Variants in OSBPL5 observed in about 807,000 individuals in gnomAD.
OSBPL5 encodes the protein oxysterol-binding protein-related protein 5.
Under a neutral mutation model 111.2 loss-of-function variants are expected in OSBPL5, and 71 were observed. The observed-to-expected ratio is 0.64, with a 90% CI of 0.53 to 0.78. OSBPL5 has a LOEUF of 0.78. Among genes scored for constraint, OSBPL5 ranks in the 30% least tolerant of loss-of-function variants. OSBPL5 has a pLI of 0.00. For missense variants in OSBPL5, 1,210 were observed against 1,189.3 expected (o/e 1.02, Z -0.26); for synonymous variants, 549 against 513.9 (o/e 1.07, Z -0.93).
Position 3,126,523 on chromosome 11 carries a change from G to A in OSBPL5, c.169C>T (p.Pro57Ser). 1 of 1,609,754 alleles carries A rather than the reference G, an allele frequency of 6.2e-7. No homozygotes were observed. Among genetic ancestry groups the A allele is most frequent in the Non-Finnish European group, 8.5e-7 (1 of 1,178,746 alleles). ...KDMEPNGPSL[P>S]RDEGPPTPSS... ...GGGGTCGGGGGCCCTTCATCCCTGG[G>A]CAGCGACGGGCCGTTGGGCTCCATG... The change falls in exon 3 of 22, where the codon CCC (proline) becomes TCC (serine). Residue 57 changes from proline to serine, a missense_variant. Coordinates refer to ENST00000263650, the MANE Select transcript of OSBPL5 (RefSeq NM_020896.4). The surrounding 1 kb of genome is among the most constrained non-coding windows in gnomAD (Gnocchi z 6.5).
chr11:3,100,208 A>G lies in OSBPL5; in HGVS notation c.1571T>C (p.Leu524Pro), dbSNP rs774179612. The G allele has an allele frequency of 1.2e-6, 2 of 1,613,982 alleles. No individual in the cohort carries two copies. The highest frequency in any genetic ancestry group is 1.3e-5 in the African/African-American group (1 of 74,900). Residue 524 changes from leucine (L) to proline (P), a missense_variant, in exon 14 of 22, where the codon CTG becomes CCG. Physicochemically the swap from Leu to Pro is moderately conservative, Grantham distance 98. Transcript: ENST00000263650. ...LLDGKATLTFLNRAEDYTLTM... is the reference protein window; with the variant it reads ...LLDGKATLTFPNRAEDYTLTM... Reference sequence around the variant, plus strand: ...AAGGGTGTAATCCTCGGCTCGGTTCAGGAAGGTGAGCGTGGCTTTGCCGTC... The same window carrying G: ...AAGGGTGTAATCCTCGGCTCGGTTCGGGAAGGTGAGCGTGGCTTTGCCGTC...
intron 1 of OSBPL5, among the ~76,000 whole-genome samples, chr11:3,153,984 G>A (rs896833327): frequency 7.3e-4 from 111 of 152,340 alleles, no homozygotes; most frequent in African/African-American, 2.5e-3. Flanking sequence ...CCCCAACAGC[G>A]CCGTCAGCCC....
chr11:3,101,718 C>A lies in OSBPL5; in HGVS notation c.1426-19G>T. 1 of 1,601,104 alleles carries A rather than the reference C, an allele frequency of 6.2e-7. No individual in the cohort carries two copies. Among genetic ancestry groups the A allele is most frequent in the Non-Finnish European group, 8.6e-7 (1 of 1,169,544 alleles). On this transcript the variant is annotated intron_variant, in intron 12 of 21. Coordinates refer to ENST00000263650, the MANE Select transcript of OSBPL5 (RefSeq NM_020896.4). ...GGGACACCTGCGTGCAGGGAGGCGG[C>A]TCTGTAAACAGCCCCGGAAACAGGT...
At chr11:3,095,976 G>A (rs1564823805) in intron 14 of OSBPL5, among the ~76,000 whole-genome samples, 2 of 151,836 alleles carry the variant, frequency 1.3e-5, no homozygotes, top group Non-Finnish European at 2.9e-5. Context: ...TGTGCTGAAC[G>A]TGATCAGGCA....
Position 3,126,405 on chromosome 11 carries a change from C to A in OSBPL5, c.219+68G>T. 1 of 1,404,460 alleles carries A rather than the reference C, an allele frequency of 7.1e-7. No homozygotes were observed. The highest frequency in any genetic ancestry group is 1.4e-5 in the South Asian group (1 of 68,972). 87.0% of individuals were successfully genotyped at this position (1,404,460 alleles called of 1,614,324 possible). On this transcript the variant is annotated intron_variant, in intron 3 of 21. Transcript: ENST00000263650. This position sits in a 1 kb window ranked among gnomAD's most constrained non-coding sequence, Gnocchi z 6.5. ...GCTGGACGCCCTGCTGTCCTTTTCCCCAGCCGTTTCCTGCTGTCCCCAGAG... is the reference window on the plus strand; with the variant it reads ...GCTGGACGCCCTGCTGTCCTTTTCCACAGCCGTTTCCTGCTGTCCCCAGAG...
Position 3,113,624 on chromosome 11 carries a change from A to C in OSBPL5, c.692-5679T>G, listed in dbSNP as rs572022149. The stretch of plus-strand genomic sequence containing the variant: ...AGCCAAGATCGCACCACTGCACTCC[A>C]GCCTGGGAGACTAGAGCAAGACTCC... On this transcript the variant is annotated intron_variant, in intron 7 of 21. Coordinates refer to ENST00000263650, the MANE Select transcript of OSBPL5 (RefSeq NM_020896.4). This position sits in a 1 kb window ranked among gnomAD's most constrained non-coding sequence, Gnocchi z 4.8. Among the ~76,000 whole-genome samples, 11 of 151,828 alleles carry C rather than the reference A, an allele frequency of 7.2e-5. No homozygotes were observed. The highest frequency in any genetic ancestry group is 1.6e-4 in the Non-Finnish European group (11 of 67,974).
rs1471029963 is a variant in OSBPL5 at position 3,162,299 on chromosome 11, A to C, written c.-22+2917T>G. Among the ~76,000 whole-genome samples, 1 of 151,976 alleles carries C rather than the reference A, an allele frequency of 6.6e-6. No individual in the cohort carries two copies. Among genetic ancestry groups the C allele is most frequent in the East Asian group, 1.9e-4 (1 of 5,168 alleles). On this transcript the variant is annotated intron_variant, in intron 1 of 21. Transcript: ENST00000263650. The surrounding 1 kb of genome is among the most constrained non-coding windows in gnomAD (Gnocchi z 8.1). ...GGATGTGAGGTGGGCTGGGAGGCCGAGCAAAGCATTTGCTCTCAGCCTGGG... is the reference window on the plus strand; with the variant it reads ...GGATGTGAGGTGGGCTGGGAGGCCGCGCAAAGCATTTGCTCTCAGCCTGGG...
At position 3,101,786 on chromosome 11, in the gene OSBPL5, C is replaced by T. The variant is rs1857466520; in HGVS notation, c.1426-87G>A. 3.7e-6 allele frequency: 4 copies of T among 1,092,926 alleles called. No individual in the cohort carries two copies. The South Asian group carries it at 4.0e-5, about 11-fold the overall frequency. The allele number at this position is 1,092,926 out of a possible 1,614,324, so 67.7% of individuals were successfully genotyped here. On this transcript the variant is annotated intron_variant, in intron 12 of 21. Coordinates refer to ENST00000263650, the MANE Select transcript of OSBPL5 (RefSeq NM_020896.4). ...GCCCAGCTTCCCCCAAAAAACCTGTCCCTGTCCCTGACGCCACATCTTCTC... is the reference window on the plus strand; with the variant it reads ...GCCCAGCTTCCCCCAAAAAACCTGTTCCTGTCCCTGACGCCACATCTTCTC...
chr11:3,090,502 G>T, intron 20 of OSBPL5, 56 bp downstream of exon 20: 2 of 1,584,720 alleles, frequency 1.3e-6, no homozygotes, highest in Non-Finnish European at 1.7e-6. Flanking sequence ...AGCCAGGTCA[G>T]CATCTGAGGC....
At chr11:3,159,283 T>C (rs1326564590) in intron 1 of OSBPL5, among the ~76,000 whole-genome samples, 1 of 152,172 alleles carries the variant, frequency 6.6e-6, no homozygotes, top group Non-Finnish European at 1.5e-5. Flanking sequence ...TCACTACCTC[T>C]GTAGCTCGTC....
rs550322337 is a variant in OSBPL5, at chr11:3,120,111, G to T, written c.606+310C>A. On this transcript the variant is annotated intron_variant, in intron 6 of 21. Coordinates refer to ENST00000263650, the MANE Select transcript of OSBPL5 (RefSeq NM_020896.4). ...GCAGGGCAGCCCCGGGTTAGGAGGG[G>T]TGAGGGCTGGGCGCTGTTCCTCGGC... 2.9e-4 allele frequency: 148 copies of T among 511,910 alleles called. No homozygotes were observed. In the Middle Eastern group the frequency reaches 3.7e-3, roughly 13 times the overall value. The allele number at this position is 511,910 out of a possible 1,614,324, so 31.7% of individuals were successfully genotyped here. A position where few individuals can be genotyped will look rare whatever the true frequency, so the allele number is the denominator to read the frequency against.
intron 1 of OSBPL5, among the ~76,000 whole-genome samples, chr11:3,132,329 C>T (rs1021133787): frequency 5.3e-5 from 8 of 152,040 alleles, no homozygotes; most frequent in Non-Finnish European, 7.4e-5. Flanking sequence ...ACAGGGTGGG[C>T]GGCAGCTCTC....
In OSBPL5 at chr11:3,126,597, G is replaced by A. The variant is rs371028077; in HGVS notation, c.137-42C>T. 2.6e-5 allele frequency: 41 copies of A among 1,549,478 alleles called. No individual in the cohort carries two copies. In the African/African-American group the frequency reaches 3.0e-4, roughly 11 times the overall value. ...GGAGTGAGGACCCAGGCATGGTGGC[G>A]TGGCCAGGCTTCTCAGGCCGCTGCC... is the stretch of plus-strand genomic sequence containing the variant. On this transcript the variant is annotated intron_variant, in intron 2 of 21. Transcript: ENST00000263650. The surrounding 1 kb of genome is among the most constrained non-coding windows in gnomAD (Gnocchi z 6.5).
rs1479323691 is a variant in OSBPL5 at position 3,105,480 on chromosome 11, G to T, written c.1060-1103C>A. 6.6e-6 allele frequency among the ~76,000 whole-genome samples: 1 copy of T among 152,132 alleles called. No homozygotes were observed. The highest frequency in any genetic ancestry group is 2.4e-5 in the African/African-American group (1 of 41,410). On this transcript the variant is annotated intron_variant, in intron 9 of 21. Coordinates refer to ENST00000263650, the MANE Select transcript of OSBPL5 (RefSeq NM_020896.4). This position sits in a 1 kb window ranked among gnomAD's most constrained non-coding sequence, Gnocchi z 5.2. ...CTTTGGGGCTTGGAAATCATGGGTA[G>T]CTTCGGCTGTCAGGAATCCTGCTCT...
In OSBPL5 at chr11:3,114,600, T is replaced by C. The variant is rs1273868076; in HGVS notation, c.691+4947A>G. Among the ~76,000 whole-genome samples, 58 of 140,390 alleles carry C rather than the reference T, an allele frequency of 4.1e-4. 3 individuals are homozygous for C. The East Asian group carries it at 0.01, about 25-fold the overall frequency. The allele number at this position is 140,390 out of a possible 152,430, so 92.1% of individuals were successfully genotyped here. The stretch of plus-strand genomic sequence containing the variant: ...ATTGGTTAGAACAATGATTTTTTTT[T>C]TTTTTTTTTTTTTTTTTAGACAGAG... On this transcript the variant is annotated intron_variant, in intron 7 of 21. Transcript: ENST00000263650.
chr11:3,103,727 C>CAGT (rs1857547012), intron 10 of OSBPL5, among the ~76,000 whole-genome samples: 4 of 80,476 alleles, frequency 5.0e-5, no homozygotes, highest in African/African-American at 1.6e-4. Context: ...GGCTCTGCTG[C>CAGT]CCCTTCCTGC....
chr11:3,131,862 CAT>C (rs1845811196), intron 1 of OSBPL5, among the ~76,000 whole-genome samples: 2 of 79,544 alleles, frequency 2.5e-5, no homozygotes, highest in Admixed American at 1.2e-4. Flanking sequence ...CCAAACCATC[CAT>C]CCATCCATCC....
intron 1 of OSBPL5, among the ~76,000 whole-genome samples, chr11:3,163,182 G>A (rs972014013): frequency 5.3e-5 from 8 of 152,180 alleles, no homozygotes; most frequent in African/African-American, 1.4e-4. Flanking sequence ...TCTCAGCTGC[G>A]GTCACAGGCT....
chr11:3,124,204 C>T (rs750692663), intron 3 of OSBPL5, among the ~76,000 whole-genome samples: 1 of 152,224 alleles, frequency 6.6e-6, no homozygotes, highest in Admixed American at 6.5e-5. Context: ...TAATAAGGAG[C>T]TGAGCTGGGA....
Sources: gnomAD v4.1 joint callset for allele counts (sites outside exome capture counted in the v4.1 genomes callset) on GRCh38, gnomAD v4.1.1 for gene constraint, Gnocchi (gnomAD v3.1) non-coding constraint, MANE v1.5 for transcripts, NCBI Gene and HGNC (gene_info 2026-07-23, HGNC 2026-07-21) for gene names.